TES: variants seen among roughly 807,000 people sequenced by gnomAD.
TES encodes testin LIM domain protein.
In TES, 41 loss-of-function variants were observed where a neutral mutation model predicts 48.2. The ratio of observed to expected loss-of-function variants is 0.85; its 90% confidence interval spans 0.66 to 1.10. The LOEUF (loss-of-function observed/expected upper bound fraction) is 1.10. Ranked by LOEUF, TES falls within the 50% of genes least tolerant of loss-of-function variation. The probability of loss-of-function intolerance (pLI) is 0.00; values close to 1 mark genes in which losing one functional copy is unlikely to be tolerated. For missense variants in TES, 463 were observed against 515.1 expected (o/e 0.90, Z 0.98); for synonymous variants, 162 against 174.9 (o/e 0.93, Z 0.58).
At chr7:116,230,624 G>C (rs1799685816) in intron 1 of TES, among the ~76,000 whole-genome samples, 1 of 152,158 alleles carries the variant, frequency 6.6e-6, no homozygotes, top group Non-Finnish European at 1.5e-5. Flanking sequence ...CTGTCTCTGA[G>C]GATGTCATCC....
At chr7:116,210,820 G>A (rs1158603961) in intron 1 of TES, 86 bp downstream of exon 1, 6 of 1,151,934 alleles carry the variant, frequency 5.2e-6, no homozygotes, top group Admixed American at 4.4e-5. Flanking sequence ...GAGGTGGGTG[G>A]GGCTCGCGGG....
intron 1 of TES, among the ~76,000 whole-genome samples, chr7:116,224,985 C>T (rs1023877547): frequency 6.6e-6 from 1 of 151,980 alleles, no homozygotes; most frequent in South Asian, 2.1e-4. Flanking sequence ...TTAATTTCTC[C>T]AAGTCTCAAT....
At chr7:116,228,435 A>G (rs1271563662) in intron 1 of TES, among the ~76,000 whole-genome samples, 1 of 152,216 alleles carries the variant, frequency 6.6e-6, no homozygotes, top group Non-Finnish European at 1.5e-5. Flanking sequence ...GCTGGCCAGA[A>G]TGTGTTACTA....
In TES at chr7:116,251,793, G is replaced by A. The variant is rs1800014893; in HGVS notation, c.736G>A (p.Gly246Ser). Reference protein sequence around the residue: ...CYCCKLSMKEGDPAIYAERAG... With the variant: ...CYCCKLSMKESDPAIYAERAG... ...TTGCTGCAAACTGAGTATGAAAGAA[G>A]GTGACCCAGCCATCTATGCCGAAAG... The change falls in exon 5 of 7, where the codon GGT becomes AGT. Residue 246 changes from glycine (G) to serine (S), a missense_variant. Transcript: ENST00000358204. 1.9e-6 allele frequency: 3 copies of A among 1,614,170 alleles called. No individual in the cohort carries two copies. Among genetic ancestry groups the A allele is most frequent in the Non-Finnish European group, 1.7e-6 (2 of 1,180,034 alleles).
Position 116,228,525 on chromosome 7 carries a change from C to T in TES, c.28-6009C>T, listed in dbSNP as rs1240630296. ...TTTTAGGCACTAAGTGTTGAGTCTG[C>T]AGGGAATACCGTATCACATTTACTG... On this transcript the variant is annotated intron_variant, in intron 1 of 6. Coordinates refer to ENST00000358204, the MANE Select transcript of TES (RefSeq NM_015641.4). 2.0e-5 allele frequency among the ~76,000 whole-genome samples: 3 copies of T among 152,092 alleles called. No individual in the cohort carries two copies. In the East Asian group the frequency reaches 5.8e-4, roughly 29 times the overall value.
chr7:116,236,076 G>C (rs991421993), intron 2 of TES, among the ~76,000 whole-genome samples: 2 of 152,172 alleles, frequency 1.3e-5, no homozygotes, highest in Non-Finnish European at 2.9e-5. Context: ...GGACATAGAA[G>C]TGGCAGTATG....
chr7:116,211,702 AAC>A (rs1209234101), intron 1 of TES, among the ~76,000 whole-genome samples: 4 of 152,210 alleles, frequency 2.6e-5, no homozygotes, highest in Non-Finnish European at 5.9e-5. Context: ...AAATACAGAA[AAC>A]AGTTTTTGTT....
intron 1 of TES, among the ~76,000 whole-genome samples, chr7:116,221,156 A>G (rs149382206): frequency 2.4e-3 from 364 of 152,230 alleles, no homozygotes; most frequent in African/African-American, 8.6e-3. Context: ...AAAATTTAAT[A>G]TATTTAATGT....
intron 4 of TES, among the ~76,000 whole-genome samples, chr7:116,251,286 T>A (rs1427019304): frequency 1.3e-5 from 2 of 152,236 alleles, no homozygotes; most frequent in Non-Finnish European, 2.9e-5. Context: ...TTTCACAGAA[T>A]TATTAATACG....
intron 1 of TES, among the ~76,000 whole-genome samples, chr7:116,218,432 C>T (rs995671639): frequency 2.0e-5 from 3 of 152,014 alleles, no homozygotes; most frequent in Non-Finnish European, 4.4e-5. Flanking sequence ...GAAAAATGAC[C>T]ATGTAGATGT....
At chr7:116,217,103 T>A (rs1262471811) in intron 1 of TES, among the ~76,000 whole-genome samples, 9 of 152,142 alleles carry the variant, frequency 5.9e-5, no homozygotes, top group Admixed American at 3.3e-4. Context: ...ATATTGAAAG[T>A]AAGCACAACT....
chr7:116,225,128 C>T (rs1799606381), intron 1 of TES, among the ~76,000 whole-genome samples: 1 of 140,514 alleles, frequency 7.1e-6, no homozygotes, highest in Admixed American at 7.1e-5. Flanking sequence ...TTTACTAACA[C>T]TTCCACCATC....
chr7:116,218,013 C>T (rs769033176), intron 1 of TES: 77 of 457,366 alleles, frequency 1.7e-4, no homozygotes, highest in Admixed American at 2.6e-4. Context: ...GCCAATTTCT[C>T]TGTTCCTTAG....
intron 1 of TES, among the ~76,000 whole-genome samples, chr7:116,228,820 T>C (rs2116587745): frequency 1.3e-5 from 2 of 151,912 alleles, no homozygotes; most frequent in South Asian, 4.2e-4. Flanking sequence ...AAAGGTATCT[T>C]GGAGCCAATC....
chr7:116,233,771 A>T (rs966021367), intron 1 of TES, among the ~76,000 whole-genome samples: 8 of 152,170 alleles, frequency 5.3e-5, no homozygotes, highest in Non-Finnish European at 1.2e-4. Flanking sequence ...GAAGTTCAAA[A>T]TCAAGGCACT....
Position 116,251,691 on chromosome 7 carries a change from AAAAAG to A in TES, c.703-65_703-61del, listed in dbSNP as rs200158620. The A allele has an allele frequency of 7.6e-3, 10,090 of 1,332,682 alleles. 1 individual carries two copies. Among genetic ancestry groups the A allele is most frequent in the East Asian group, 0.026 (897 of 34,050 alleles). The allele number at this position is 1,332,682 out of a possible 1,614,324, so 82.6% of individuals were successfully genotyped here. A position where few individuals can be genotyped will look rare whatever the true frequency, so the allele number is the denominator to read the frequency against. ...GAGTGAGACTCAGTCTCAAAAAAAA[AAAAAG>A]AAAGAAAGAAAAGAAATGGCAGTCT... On this transcript the variant is annotated intron_variant, in intron 4 of 6. Transcript: ENST00000358204.
chr7:116,242,541 C>A (rs1799864115), intron 2 of TES, among the ~76,000 whole-genome samples: 1 of 93,956 alleles, frequency 1.1e-5, no homozygotes, highest in Admixed American at 9.8e-5. Context: ...CTCTCTCTGT[C>A]TCTGTCTCGG....
At chr7:116,226,774 T>C (rs767510101) in intron 1 of TES, among the ~76,000 whole-genome samples, 30 of 152,120 alleles carry the variant, frequency 2.0e-4, no homozygotes, top group Admixed American at 7.2e-4. Context: ...GACACTAGAA[T>C]TTGGAGCATC....
At chr7:116,246,578 A>G (rs936851526) in intron 2 of TES, among the ~76,000 whole-genome samples, 3 of 152,190 alleles carry the variant, frequency 2.0e-5, no homozygotes, top group African/African-American at 4.8e-5. Context: ...TCATCTTCCT[A>G]CAGTCATACC....
Sources: allele counts gnomAD v4.1 joint callset (sites outside exome capture counted in the v4.1 genomes callset), GRCh38; gene constraint gnomAD v4.1.1; transcripts MANE v1.5; gene names NCBI Gene and HGNC (gene_info 2026-07-23, HGNC 2026-07-21).